MPP7: variants seen among roughly 807,000 people sequenced by gnomAD.
The protein encoded by MPP7 is MAGUK p55 scaffold protein 7, also known as MAGUK p55 subfamily member 7.
In MPP7, 60 loss-of-function variants were observed where a neutral mutation model predicts 76.5. The ratio of observed to expected loss-of-function variants is 0.78; its 90% CI spans 0.64 to 0.97. The LOEUF (loss-of-function observed/expected upper bound fraction) is 0.97. Ranked by LOEUF, MPP7 falls within the 50% of genes least tolerant of loss-of-function variation. The probability of loss-of-function intolerance (pLI) is 0.00; values close to 1 mark genes in which losing one functional copy is unlikely to be tolerated. For missense variants in MPP7, 641 were observed against 694.0 expected (o/e 0.92, Z 0.86); for synonymous variants, 237 against 244.5 (o/e 0.97, Z 0.29).
chr10:28,276,493 T>C (rs759565943), intron 1 of MPP7, among the ~76,000 whole-genome samples: 1 of 152,056 alleles, frequency 6.6e-6, no homozygotes, highest in Non-Finnish European at 1.5e-5. Flanking sequence ...ATATACAAGG[T>C]AGCAAACAAA....
chr10:28,213,988 G>A (rs1051588155), intron 2 of MPP7, among the ~76,000 whole-genome samples: 5 of 151,968 alleles, frequency 3.3e-5, no homozygotes, highest in East Asian at 1.9e-4. Context: ...CTAGGTGGCC[G>A]AGAGCCTTCT....
intron 2 of MPP7, among the ~76,000 whole-genome samples, chr10:28,232,786 T>A (rs1838933119): frequency 6.6e-6 from 1 of 152,200 alleles, no homozygotes; most frequent in South Asian, 2.1e-4. Context: ...AGATTGTGAC[T>A]GAGAAGAGAT....
chr10:28,066,230 C>T (rs538663952), intron 13 of MPP7, among the ~76,000 whole-genome samples: 18 of 152,178 alleles, frequency 1.2e-4, no homozygotes, highest in South Asian at 1.0e-3. Flanking sequence ...AGAAACTTCC[C>T]ACAGAGGAGC....
chr10:28,235,174 T>C (rs1354041875), intron 2 of MPP7, among the ~76,000 whole-genome samples: 1 of 151,998 alleles, frequency 6.6e-6, no homozygotes, highest in African/African-American at 2.4e-5. Flanking sequence ...AAATGTAATA[T>C]GGTATTACGA....
intron 12 of MPP7, among the ~76,000 whole-genome samples, chr10:28,083,130 A>G (rs953372798): frequency 6.6e-6 from 1 of 152,164 alleles, no homozygotes; most frequent in Non-Finnish European, 1.5e-5. Context: ...CTCATCTCTC[A>G]TCTTCTATAT....
At chr10:28,266,104 C>T (rs551588147) in intron 1 of MPP7, among the ~76,000 whole-genome samples, 4 of 152,056 alleles carry the variant, frequency 2.6e-5, no homozygotes, top group Admixed American at 6.6e-5. Flanking sequence ...GGATTACAGG[C>T]GCCCACCACC....
intron 11 of MPP7, among the ~76,000 whole-genome samples, chr10:28,115,582 GAA>G (rs1834641848): frequency 1.3e-5 from 2 of 152,150 alleles, no homozygotes; most frequent in Non-Finnish European, 2.9e-5. Flanking sequence ...AAGAATCCAG[GAA>G]GAAGAAGCTT....
intron 2 of MPP7, among the ~76,000 whole-genome samples, chr10:28,203,608 A>G (rs1837854534): frequency 1.3e-5 from 2 of 152,116 alleles, no homozygotes; most frequent in South Asian, 4.1e-4. Flanking sequence ...TCTTATTTAC[A>G]GTTTAGTAAA....
chr10:28,192,223 T>C (rs1837435145), intron 3 of MPP7, among the ~76,000 whole-genome samples: 1 of 152,084 alleles, frequency 6.6e-6, no homozygotes. Context: ...CTAAGATCAG[T>C]ATAAAGAAAA....
chr10:28,325,230 C>T (rs759222103), intron 2 of MPP7, among the ~76,000 whole-genome samples: 5 of 152,172 alleles, frequency 3.3e-5, no homozygotes, highest in Non-Finnish European at 4.4e-5. Context: ...TGTGGCTTAG[C>T]ACAGGGCTTG....
chr10:28,206,636 G>A (rs1837957667), intron 2 of MPP7, among the ~76,000 whole-genome samples: 1 of 151,948 alleles, frequency 6.6e-6, no homozygotes, highest in Admixed American at 6.6e-5. Context: ...CAATAACTTT[G>A]TAAATAATTT....
chr10:28,196,838 C>T (rs1233954375), intron 3 of MPP7, among the ~76,000 whole-genome samples: 1 of 152,200 alleles, frequency 6.6e-6, no homozygotes, highest in African/African-American at 2.4e-5. Context: ...ACCTGGGAAT[C>T]TCATGTCCCA....
At chr10:28,078,569 A>G (rs1234893752) in intron 12 of MPP7, among the ~76,000 whole-genome samples, 2 of 152,274 alleles carry the variant, frequency 1.3e-5, no homozygotes, top group Admixed American at 6.5e-5. Flanking sequence ...CTTTGAAAAG[A>G]ATGTTTATAG....
At chr10:28,193,807 A>G (rs1000729916) in intron 3 of MPP7, among the ~76,000 whole-genome samples, 1 of 152,044 alleles carries the variant, frequency 6.6e-6, no homozygotes, top group Non-Finnish European at 1.5e-5. Flanking sequence ...GTGTGAAGAT[A>G]TGCTTAACCT....
At chr10:28,095,158 A>G (rs1853501720) in intron 11 of MPP7, among the ~76,000 whole-genome samples, 1 of 148,510 alleles carries the variant, frequency 6.7e-6, no homozygotes, top group Non-Finnish European at 1.5e-5. Flanking sequence ...GCTCATATTT[A>G]CATACACACA....
At chr10:28,070,745 C>T (rs17757844) in intron 12 of MPP7, among the ~76,000 whole-genome samples, 16,291 of 152,106 alleles carry the variant, frequency 0.11, 1,593 homozygotes, top group East Asian at 0.5. Context: ...GTAGATTCTG[C>T]GGACAACAAA....
In MPP7 at chr10:28,260,907, T is replaced by C. The variant is rs183798269; in HGVS notation, c.-131-22172A>G. Reference sequence around the variant, plus strand: ...GTGAGTTGATTTATTTTATGCCCAATTGATGTTAGAGAAAGAATTCAAATG... The same window carrying C: ...GTGAGTTGATTTATTTTATGCCCAACTGATGTTAGAGAAAGAATTCAAATG... On this transcript the variant is annotated intron_variant, in intron 1 of 16. Transcript: ENST00000683449. Among the ~76,000 whole-genome samples the C allele has an allele frequency of 9.8e-4, 149 of 152,170 alleles. 2 individuals are homozygous for C. The highest frequency in any genetic ancestry group is 2.9e-3 in the African/African-American group (119 of 41,498).
chr10:28,080,770 A>T (rs989586672), intron 12 of MPP7, among the ~76,000 whole-genome samples: 2 of 152,340 alleles, frequency 1.3e-5, no homozygotes, highest in African/African-American at 4.8e-5. Context: ...CCTTTTACAT[A>T]CAAGGGTTAT....
At chr10:28,109,848 C>CAAAAAAAAAAAAAAAAAAAAAA (rs869206744) in intron 11 of MPP7, among the ~76,000 whole-genome samples, 3 of 19,220 alleles carry the variant, frequency 1.6e-4, no homozygotes, top group African/African-American at 7.4e-4. Context: ...GCCGCAGACG[C>CAAAAAAAAAAAAAAAAAAAAAA]AAAAAAAAAA....
Sources: gnomAD v4.1 joint callset for allele counts (sites outside exome capture counted in the v4.1 genomes callset) on GRCh38, gnomAD v4.1.1 for gene constraint, MANE v1.5 for transcripts, NCBI Gene and HGNC (gene_info 2026-07-23, HGNC 2026-07-21) for gene names.